MMP15: variants seen among roughly 807,000 people sequenced by gnomAD.
MMP15 encodes matrix metallopeptidase 15.
A neutral mutation model predicts 65.0 loss-of-function variants in MMP15; 36 were observed. The observed-to-expected ratio is 0.55, with a 90% CI of 0.42 to 0.73. The LOEUF is 0.73. MMP15 is among the 30% of genes least tolerant of loss of function. The pLI is 0.00. For missense variants in MMP15, 870 were observed against 987.8 expected, an observed-to-expected ratio of 0.88 and a Z score of 1.60; for synonymous variants, 428 against 410.2, an observed-to-expected ratio of 1.04 and a Z score of -0.52.
rs1342815930 is a variant in MMP15, at chr16:58,041,630, T to C, written c.924T>C (p.Gly308=). 3 of 1,574,554 alleles carry C rather than the reference T, an allele frequency of 1.9e-6. No homozygotes were observed. The South Asian group carries it at 3.5e-5, about 18-fold the overall frequency. ...GCCTCTCTGCAGGTACCCCAGACGG[T>C]CAGCCACAGCCTACCCAGCCTCTCC... The part of the protein sequence containing the change: ...GIQQLYGTPD[G]QPQPTQPLPT... The change falls in exon 6 of 10, where the codon GGT becomes GGC. Residue 308 remains glycine (G), a synonymous_variant. Transcript: ENST00000219271.
chr16:58,044,803 C>G (rs1001378572), intron 9 of MMP15, among the ~76,000 whole-genome samples: 3 of 152,196 alleles, frequency 2.0e-5, no homozygotes, highest in Non-Finnish European at 4.4e-5. Flanking sequence ...TCAGGAAGCC[C>G]AGGGTTCTAG....
rs1045415775 is a variant in MMP15 at position 58,045,252 on chromosome 16, A to C, written c.1816A>C (p.Asn606His). Residue 606 changes from asparagine to histidine, a missense_variant, in exon 10 of 10, where the codon AAC (asparagine) becomes CAC (histidine). Transcript: ENST00000219271. ...DGDGDFGAGV[N>H]KDGGSRVVVQ... is the part of the protein sequence containing the mutation. ...GGATGGGGACTTTGGGGCCGGGGTC[A>C]ACAAGGACGGGGGCAGCCGCGTGGT... The C allele has an allele frequency of 7.5e-6, 12 of 1,608,262 alleles. No homozygotes were observed. Among genetic ancestry groups the C allele is most frequent in the Non-Finnish European group, 1.0e-5 (12 of 1,178,400 alleles).
rs748199428 is a variant in MMP15, at chr16:58,046,523, G to T, written c.*1077G>T. 2 of 152,588 alleles carry T rather than the reference G, an allele frequency of 1.3e-5. No individual in the cohort carries two copies. The highest frequency in any genetic ancestry group is 2.9e-5 in the Non-Finnish European group (2 of 68,112). 9.5% of individuals were successfully genotyped at this position (152,588 alleles called of 1,614,324 possible). Reference sequence around the variant, plus strand: ...GCATCAGACTGTGAACCCCACGAAGGAGCCCATTGTGGCCTAAGAGGCTGC... The same window carrying T: ...GCATCAGACTGTGAACCCCACGAAGTAGCCCATTGTGGCCTAAGAGGCTGC... On this transcript the variant is annotated 3_prime_UTR_variant, in exon 10 of 10. Transcript: ENST00000219271.
chr16:58,035,166 A>G (rs1959305558), intron 1 of MMP15, among the ~76,000 whole-genome samples: 1 of 152,200 alleles, frequency 6.6e-6, no homozygotes, highest in Non-Finnish European at 1.5e-5. Context: ...CTTCAGGGAA[A>G]CTGTCCTTTA....
chr16:58,040,520 C>A lies in MMP15; in HGVS notation c.749-17C>A. Reference sequence around the variant, plus strand: ...TGGCCACAGCTGACTGTGCTGCCCTCCTTCTCTCCCCAAAAGGAAACAACC... The same window carrying A: ...TGGCCACAGCTGACTGTGCTGCCCTACTTCTCTCCCCAAAAGGAAACAACC... On this transcript the variant is annotated splice_polypyrimidine_tract_variant and intron_variant, in intron 4 of 9. Transcript: ENST00000219271. 6.2e-7 allele frequency: 1 copy of A among 1,609,590 alleles called. No individual in the cohort carries two copies. Among genetic ancestry groups the A allele is most frequent in the African/African-American group, 1.3e-5 (1 of 75,010 alleles).
rs1035698111 is a variant in MMP15 at position 58,036,005 on chromosome 16, G to A, written c.163-1467G>A. On this transcript the variant is annotated intron_variant, in intron 1 of 9. Transcript: ENST00000219271. Reference sequence around the variant, plus strand: ...ACACTGGTGGCAGGCAGATATGTGAGTGTGATCTGGCCGGCCAATATGGCT... The same window carrying A: ...ACACTGGTGGCAGGCAGATATGTGAATGTGATCTGGCCGGCCAATATGGCT... Among the ~76,000 whole-genome samples, 5 of 152,342 alleles carry A rather than the reference G, an allele frequency of 3.3e-5. No homozygotes were observed. The East Asian group carries it at 7.7e-4, about 24-fold the overall frequency.
chr16:58,037,204 A>T (rs1298897798), intron 1 of MMP15, among the ~76,000 whole-genome samples: 1 of 152,230 alleles, frequency 6.6e-6, no homozygotes, highest in Admixed American at 6.5e-5. Flanking sequence ...GCTCTTGTAC[A>T]AATGGCTTTT....
rs1348505164 is a variant in MMP15, at chr16:58,040,528, C to T, written c.749-9C>T. Reference sequence around the variant, plus strand: ...GCTGACTGTGCTGCCCTCCTTCTCTCCCCAAAAGGAAACAACCTCTTCCTG... The same window carrying T: ...GCTGACTGTGCTGCCCTCCTTCTCTTCCCAAAAGGAAACAACCTCTTCCTG... On this transcript the variant is annotated splice_polypyrimidine_tract_variant and intron_variant, in intron 4 of 9. Transcript: ENST00000219271. 1 of 1,611,068 alleles carries T rather than the reference C, an allele frequency of 6.2e-7. No individual in the cohort carries two copies. Among genetic ancestry groups the T allele is most frequent in the Non-Finnish European group, 8.5e-7 (1 of 1,179,810 alleles).
At chr16:58,033,324 G>C (rs770300894) in intron 1 of MMP15, among the ~76,000 whole-genome samples, 2 of 152,222 alleles carry the variant, frequency 1.3e-5, no homozygotes, top group African/African-American at 2.4e-5. Flanking sequence ...GATAGCCCCA[G>C]CTCCAGCCCA....
intron 1 of MMP15, among the ~76,000 whole-genome samples, chr16:58,027,152 G>T (rs1963833114): frequency 6.6e-6 from 1 of 152,222 alleles, no homozygotes; most frequent in African/African-American, 2.4e-5. Context: ...GGGTCCTAAG[G>T]ACGGACCCTG....
intron 4 of MMP15, 86 bp from the exon 5 acceptor site, chr16:58,040,451 G>A: frequency 6.7e-7 from 1 of 1,492,260 alleles, no homozygotes; most frequent in Non-Finnish European, 9.0e-7. Flanking sequence ...CAGGCTCTCT[G>A]GCAGCCTCAG....
In MMP15 at chr16:58,026,143, G is replaced by T; in HGVS notation, c.-208G>T. ...GCTCCGGTCGGCCCCCTTTCCCGCC[G>T]GCTGGTTCCGAGCTCCCGGACCTGC... On this transcript the variant is annotated 5_prime_UTR_variant, in exon 1 of 10. Transcript: ENST00000219271. The T allele has an allele frequency of 2.2e-6, 1 of 458,452 alleles. No homozygotes were observed. The highest frequency in any genetic ancestry group is 3.5e-6 in the Non-Finnish European group (1 of 285,304). The allele number at this position is 458,452 out of a possible 1,614,324, so 28.4% of individuals were successfully genotyped here. A position where few individuals can be genotyped will look rare whatever the true frequency, so the allele number is the denominator to read the frequency against.
chr16:58,038,537 A>G (rs1026259212), intron 3 of MMP15, 143 bp downstream of exon 3: 71 of 1,091,096 alleles, frequency 6.5e-5, no homozygotes, highest in Non-Finnish European at 8.5e-5. Flanking sequence ...CACGCCAGGC[A>G]GTCTCCCTCG....
Position 58,039,978 on chromosome 16 carries a change from G to T in MMP15, c.544G>T (p.Val182Leu). ...EQATPLVFQEVPYEDIRLRRQ... is the reference protein window; with the variant it reads ...EQATPLVFQELPYEDIRLRRQ... ...GGCCACGCCCCTGGTCTTCCAGGAGGTGCCCTATGAGGACATCCGGCTGCG... is the reference window on the plus strand; with the variant it reads ...GGCCACGCCCCTGGTCTTCCAGGAGTTGCCCTATGAGGACATCCGGCTGCG... The change falls in exon 4 of 10, where the codon GTG (valine) becomes TTG (leucine). Residue 182 changes from valine (V) to leucine (L), a missense_variant. By Grantham distance (32) the Val-to-Leu change is conservative. Coordinates refer to ENST00000219271, the MANE Select transcript of MMP15 (RefSeq NM_002428.4). 1 of 1,614,012 alleles carries T rather than the reference G, an allele frequency of 6.2e-7. No homozygotes were observed. The highest frequency in any genetic ancestry group is 1.7e-4 in the Middle Eastern group (1 of 6,060).
intron 6 of MMP15, 129 bp downstream of exon 6, chr16:58,041,999 C>A: frequency 1.6e-6 from 2 of 1,243,688 alleles, no homozygotes; most frequent in Non-Finnish European, 2.2e-6. Flanking sequence ...AGGAATCCAG[C>A]CCAAGAGGTT....
chr16:58,026,156 C>T lies in MMP15; in HGVS notation c.-195C>T. The stretch of plus-strand genomic sequence containing the variant: ...CCCTTTCCCGCCGGCTGGTTCCGAG[C>T]TCCCGGACCTGCCCTGCCCGCTTCT... On this transcript the variant is annotated 5_prime_UTR_variant, in exon 1 of 10. Coordinates refer to ENST00000219271, the MANE Select transcript of MMP15 (RefSeq NM_002428.4). The T allele has an allele frequency of 9.7e-6, 5 of 514,292 alleles. No individual in the cohort carries two copies. The highest frequency in any genetic ancestry group is 1.5e-5 in the Non-Finnish European group (5 of 335,860). 31.9% of individuals were successfully genotyped at this position (514,292 alleles called of 1,614,324 possible). A position where few individuals can be genotyped will look rare whatever the true frequency, so the allele number is the denominator to read the frequency against.
intron 3 of MMP15, 126 bp from the exon 4 acceptor site, chr16:58,039,749 A>G: frequency 1.1e-6 from 1 of 904,108 alleles, no homozygotes. Context: ...ATTTACATCA[A>G]AGCAAACTGC....
chr16:58,039,893 G>A lies in MMP15; in HGVS notation c.459G>A (p.Glu153=). ...HLTFSIQNYT[E]KLGWYHSMEA... is the part of the protein sequence containing the mutation. The stretch of plus-strand genomic sequence containing the variant: ...CCCCCAGCATCCAGAACTACACGGA[G>A]AAGTTGGGCTGGTACCACTCGATGG... The change falls in exon 4 of 10, where the codon GAG becomes GAA. Residue 153 remains glutamate (E), a synonymous_variant. Transcript: ENST00000219271. 4 of 1,604,378 alleles carry A rather than the reference G, an allele frequency of 2.5e-6. No individual in the cohort carries two copies. Among genetic ancestry groups the A allele is most frequent in the Non-Finnish European group, 2.6e-6 (3 of 1,172,592 alleles).
chr16:58,037,516 T>C lies in MMP15; in HGVS notation c.207T>C (p.His69=). The C allele has an allele frequency of 6.2e-7, 1 of 1,614,138 alleles. No individual in the cohort carries two copies. Among genetic ancestry groups the C allele is most frequent in the Non-Finnish European group, 8.5e-7 (1 of 1,180,030 alleles). The change falls in exon 2 of 10, where the codon CAT becomes CAC. Residue 69 remains histidine (H), a synonymous_variant. Transcript: ENST00000219271. ...LYGYLPQPSR[H]MSTMRSAQIL... The stretch of plus-strand genomic sequence containing the variant: ...GCTACCTGCCTCAGCCCAGCCGCCA[T>C]ATGTCCACCATGCGTTCCGCCCAGA...
Sources: allele counts gnomAD v4.1 joint callset (sites outside exome capture counted in the v4.1 genomes callset), GRCh38; gene constraint gnomAD v4.1.1; transcripts MANE v1.5; gene names NCBI Gene and HGNC (gene_info 2026-07-23, HGNC 2026-07-21).